PKHD1: variants seen among roughly 807,000 people sequenced by gnomAD.
The protein encoded by PKHD1 is PKHD1 ciliary IPT domain containing fibrocystin/polyductin, also known as fibrocystin.
A neutral mutation model predicts 412.0 loss-of-function variants in PKHD1; 291 were observed. The observed-to-expected ratio is 0.71, with a 90% CI of 0.64 to 0.78. PKHD1 has a LOEUF of 0.78. Among genes scored for constraint, PKHD1 ranks in the 30% least tolerant of loss-of-function variants. PKHD1 has a pLI of 0.00. For synonymous variants in PKHD1, 1,777 were observed against 1,821.5 expected (o/e 0.98, Z 0.62); for missense variants, 4,825 against 4,950.7 (o/e 0.97, Z 0.76).
intron 1 of PKHD1, among the ~76,000 whole-genome samples, chr6:52,086,976 G>A (rs1001048373): frequency 3.3e-5 from 5 of 152,124 alleles, no homozygotes; most frequent in South Asian, 4.2e-4. Context: ...ATCTGGCTAC[G>A]TGATTTTAAC....
chr6:51,850,011 G>GT (rs1460258571), intron 49 of PKHD1, among the ~76,000 whole-genome samples: 2 of 152,154 alleles, frequency 1.3e-5, no homozygotes, highest in Admixed American at 6.5e-5. Flanking sequence ...TTCTTCTAGG[G>GT]TTTTTATGGT....
At chr6:52,051,941 C>A (rs531735816) in intron 21 of PKHD1, among the ~76,000 whole-genome samples, 1 of 152,026 alleles carries the variant, frequency 6.6e-6, no homozygotes, top group Admixed American at 6.6e-5. Flanking sequence ...TAAGCAATGA[C>A]CCAGATGTCC....
chr6:51,874,783 CT>C (rs559280847), intron 46 of PKHD1, among the ~76,000 whole-genome samples: 79 of 120,514 alleles, frequency 6.6e-4, no homozygotes, highest in South Asian at 1.9e-3. Context: ...AAAAAATGAG[CT>C]CCGGTCTACA....
At chr6:51,834,579 G>A (rs553314006) in intron 51 of PKHD1, among the ~76,000 whole-genome samples, 9 of 151,984 alleles carry the variant, frequency 5.9e-5, no homozygotes, top group Non-Finnish European at 1.2e-4. Context: ...TGGCAAAAAC[G>A]ATATTGCAAT....
rs538637697 is a variant in PKHD1, at chr6:51,899,267, A to G, written c.6996+4330T>C. Among the ~76,000 whole-genome samples the G allele has an allele frequency of 9.5e-4, 145 of 152,042 alleles. 1 individual carries two copies. Among genetic ancestry groups the G allele is most frequent in the African/African-American group, 3.3e-3 (137 of 41,424 alleles). On this transcript the variant is annotated intron_variant, in intron 43 of 66. Coordinates refer to ENST00000371117, the MANE Select transcript of PKHD1 (RefSeq NM_138694.4). ...ATGAACATTGATGCAAAAATCCTCA[A>G]TAAAATACTGGCAAAACGAATCCAG...
chr6:51,682,981 T>C (rs1159622034), intron 60 of PKHD1, among the ~76,000 whole-genome samples: 1 of 151,990 alleles, frequency 6.6e-6, no homozygotes, highest in African/African-American at 2.4e-5. Flanking sequence ...GGAAAATATA[T>C]TGAAAAAGGA....
In PKHD1 at chr6:52,083,175, T is replaced by C; in HGVS notation, c.130+3A>G. On this transcript the variant is annotated splice_donor_region_variant and intron_variant, in intron 3 of 66. Coordinates refer to ENST00000371117, the MANE Select transcript of PKHD1 (RefSeq NM_138694.4). Reference sequence around the variant, plus strand: ...ATGTGCACTTGGTAAAACCCCAACCTACCATCAAAAATGACTGTGATCCAC... The same window carrying C: ...ATGTGCACTTGGTAAAACCCCAACCCACCATCAAAAATGACTGTGATCCAC... The C allele has an allele frequency of 6.3e-7, 1 of 1,589,898 alleles. No individual in the cohort carries two copies. Among genetic ancestry groups the C allele is most frequent in the Non-Finnish European group, 8.6e-7 (1 of 1,158,000 alleles).
chr6:51,868,193 A>G, intron 47 of PKHD1, 84 bp from the exon 48 acceptor site: 1 of 1,209,424 alleles, frequency 8.3e-7, no homozygotes, highest in Non-Finnish European at 1.2e-6. Flanking sequence ...TAGGATTTAA[A>G]TTGCATATTT....
chr6:51,798,336 C>A (rs540697024), intron 52 of PKHD1, among the ~76,000 whole-genome samples: 3 of 152,028 alleles, frequency 2.0e-5, no homozygotes, highest in Non-Finnish European at 4.4e-5. Flanking sequence ...CGAGATCACA[C>A]CACTGTACTC....
At chr6:51,729,869 C>G (rs748688837) in intron 60 of PKHD1, among the ~76,000 whole-genome samples, 19 of 151,934 alleles carry the variant, frequency 1.3e-4, no homozygotes, top group Non-Finnish European at 2.1e-4. Context: ...TTAATATCTC[C>G]AAGTCCTAAA....
intron 33 of PKHD1, among the ~76,000 whole-genome samples, chr6:52,020,205 G>A (rs912188956): frequency 1.3e-5 from 2 of 152,120 alleles, no homozygotes; most frequent in Non-Finnish European, 2.9e-5. Context: ...AAGAAAAAAA[G>A]AAATCATATA....
At chr6:51,937,514 C>T (rs1787700787) in intron 36 of PKHD1, among the ~76,000 whole-genome samples, 1 of 152,174 alleles carries the variant, frequency 6.6e-6, no homozygotes, top group East Asian at 1.9e-4. Context: ...ACTCAATAGT[C>T]AAATATGGAG....
intron 10 of PKHD1, among the ~76,000 whole-genome samples, chr6:52,069,876 G>C (rs551633987): frequency 2.0e-5 from 3 of 152,080 alleles, no homozygotes; most frequent in African/African-American, 7.2e-5. Context: ...CCATACTTTG[G>C]GCTGTATAGC....
chr6:52,037,010 T>C (rs1324961553), intron 27 of PKHD1, among the ~76,000 whole-genome samples: 1 of 151,902 alleles, frequency 6.6e-6, no homozygotes, highest in Non-Finnish European at 1.5e-5. Context: ...TGTAAAGAGG[T>C]CTTCTGCCAT....
chr6:52,057,051 G>C (rs1807872226), intron 16 of PKHD1, 72 bp from the exon 17 acceptor site: 1 of 949,398 alleles, frequency 1.1e-6, no homozygotes, highest in Admixed American at 1.8e-5. Context: ...AAGAACACAG[G>C]ACATTCCTCC....
chr6:52,022,953 A>T lies in PKHD1; in HGVS notation c.5237-9T>A, dbSNP rs200398341. 6.2e-7 allele frequency: 1 copy of T among 1,614,008 alleles called. No homozygotes were observed. Among genetic ancestry groups the T allele is most frequent in the East Asian group, 2.2e-5 (1 of 44,858 alleles). On this transcript the variant is annotated splice_polypyrimidine_tract_variant and intron_variant, in intron 32 of 66. Transcript: ENST00000371117. ...CCTTCCACCCAGGCAGCCTTTAAAG[A>T]CAAAGGTACAAGTTCTTGATCATAC...
chr6:51,692,145 C>G (rs375709476), intron 60 of PKHD1, among the ~76,000 whole-genome samples: 1 of 152,064 alleles, frequency 6.6e-6, no homozygotes, highest in Non-Finnish European at 1.5e-5. Flanking sequence ...ATCTCTCAAC[C>G]TTCATTCTTC....
At chr6:51,661,715 T>C (rs1164121924) in intron 60 of PKHD1, among the ~76,000 whole-genome samples, 2 of 152,240 alleles carry the variant, frequency 1.3e-5, no homozygotes, top group East Asian at 3.9e-4. Context: ...TTTGAATCCA[T>C]AGGGATATTT....
At chr6:51,741,104 T>A (rs778319980) in intron 60 of PKHD1, 17 of 518,754 alleles carry the variant, frequency 3.3e-5, no homozygotes, top group Non-Finnish European at 6.2e-5. Flanking sequence ...GGTAAAGAAC[T>A]GAGAAAAAGC....
Sources: allele counts gnomAD v4.1 joint callset (sites outside exome capture counted in the v4.1 genomes callset), GRCh38; gene constraint gnomAD v4.1.1; transcripts MANE v1.5; gene names NCBI Gene and HGNC (gene_info 2026-07-23, HGNC 2026-07-21).